RNF121: variants seen among roughly 807,000 people sequenced by gnomAD.
The protein encoded by RNF121 is E3 ubiquitin ligase RNF121.
In RNF121, 21 loss-of-function variants were observed where a neutral mutation model predicts 46.5. The ratio of observed to expected loss-of-function variants is 0.45; its 90% CI spans 0.32 to 0.65. The LOEUF is 0.65. RNF121 is among the 30% of genes least tolerant of loss of function. The pLI, the probability that RNF121 is intolerant of heterozygous loss-of-function variation, is 0.04. For missense variants in RNF121, 346 were observed against 416.0 expected (o/e 0.83, Z 1.46); for synonymous variants, 139 against 144.7 (o/e 0.96, Z 0.28).
At chr11:71,948,800 T>G (rs778490482) in intron 1 of RNF121, among the ~76,000 whole-genome samples, 7 of 152,134 alleles carry the variant, frequency 4.6e-5, no homozygotes, top group Non-Finnish European at 1.0e-4. Flanking sequence ...TGGGGAAGAA[T>G]GTGAATGAGA....
intron 3 of RNF121, among the ~76,000 whole-genome samples, 172 bp downstream of exon 3, chr11:71,961,063 G>A (rs929448132): frequency 6.6e-6 from 1 of 152,186 alleles, no homozygotes; most frequent in African/African-American, 2.4e-5. Context: ...TAAGGGTCAG[G>A]TGATTCAGAG....
intron 7 of RNF121, among the ~76,000 whole-genome samples, chr11:71,995,068 G>A (rs1217705683): frequency 6.6e-6 from 1 of 152,208 alleles, no homozygotes; most frequent in Non-Finnish European, 1.5e-5. Flanking sequence ...AGGAACCTGA[G>A]GCTGCAGCTA....
In RNF121 at chr11:71,967,349, G is replaced by GTTT. The variant is rs770121817; in HGVS notation, c.243+6474_243+6476dup. 2.9e-3 allele frequency among the ~76,000 whole-genome samples: 290 copies of GTTT among 100,538 alleles called. 16 individuals are homozygous for GTTT. The highest frequency in any genetic ancestry group is 6.2e-3 in the African/African-American group (153 of 24,492). 66.0% of individuals were successfully genotyped at this position (100,538 alleles called of 152,430 possible). The stretch of plus-strand genomic sequence containing the variant: ...GGTAATAATTATGTGGGTTTTTTTT[G>GTTT]TTTTTTTTTTTTTTTTTTGAGACGG... On this transcript the variant is annotated intron_variant, in intron 3 of 8. Transcript: ENST00000361756.
chr11:71,957,019 C>T (rs1954004339), intron 1 of RNF121, among the ~76,000 whole-genome samples: 1 of 152,190 alleles, frequency 6.6e-6, no homozygotes, highest in Non-Finnish European at 1.5e-5. Flanking sequence ...AGACGTGCAA[C>T]ACATTCAGTC....
At chr11:71,991,047 C>T (rs1387414700) in intron 6 of RNF121, among the ~76,000 whole-genome samples, 1 of 152,064 alleles carries the variant, frequency 6.6e-6, no homozygotes, top group African/African-American at 2.4e-5. Context: ...AAGATGGCAA[C>T]AGTAGGCACT....
At chr11:71,952,390 G>A (rs1224956509) in intron 1 of RNF121, among the ~76,000 whole-genome samples, 2 of 152,184 alleles carry the variant, frequency 1.3e-5, no homozygotes, top group Admixed American at 1.3e-4. Context: ...TCAACTTGGT[G>A]GTGATAGTGG....
chr11:71,984,731 G>A (rs111511805), intron 4 of RNF121, among the ~76,000 whole-genome samples: 13 of 142,400 alleles, frequency 9.1e-5, no homozygotes, highest in East Asian at 2.1e-4. Context: ...GGTGTGTGCC[G>A]CCACACCCGG....
Position 71,963,329 on chromosome 11 carries a change from T to C in RNF121, c.243+2438T>C, listed in dbSNP as rs556623491. 2.6e-5 allele frequency among the ~76,000 whole-genome samples: 4 copies of C among 152,062 alleles called. No individual in the cohort carries two copies. In the South Asian group the frequency reaches 8.3e-4, roughly 32 times the overall value. On this transcript the variant is annotated intron_variant, in intron 3 of 8. Transcript: ENST00000361756. ...TTACTCTTATGTTTTCTTTGAAGAGTTTCATAGTCTTGGCCCGGTGGGGTG... is the reference window on the plus strand; with the variant it reads ...TTACTCTTATGTTTTCTTTGAAGAGCTTCATAGTCTTGGCCCGGTGGGGTG...
At chr11:71,973,553 G>A (rs1054598492) in intron 3 of RNF121, among the ~76,000 whole-genome samples, 3 of 152,220 alleles carry the variant, frequency 2.0e-5, no homozygotes, top group South Asian at 2.1e-4. Flanking sequence ...TTGGGAGGCC[G>A]AGGCGGGCAG....
chr11:71,949,199 C>G (rs1023300543), intron 1 of RNF121, among the ~76,000 whole-genome samples: 1 of 152,124 alleles, frequency 6.6e-6, no homozygotes, highest in Admixed American at 6.5e-5. Flanking sequence ...GAGCGGGTCA[C>G]TTGAGCCCAG....
At chr11:71,956,589 A>G (rs2134171745) in intron 1 of RNF121, among the ~76,000 whole-genome samples, 1 of 152,332 alleles carries the variant, frequency 6.6e-6, no homozygotes, top group Admixed American at 6.5e-5. Context: ...CAAGAACTAA[A>G]TTCAGTTTGC....
intron 3 of RNF121, among the ~76,000 whole-genome samples, chr11:71,961,100 T>C (rs1297067762): frequency 6.6e-6 from 1 of 152,172 alleles, no homozygotes; most frequent in Non-Finnish European, 1.5e-5. Context: ...CATAAGACTA[T>C]GTTCATAGGC....
rs1019852629 is a variant in RNF121, at chr11:71,965,312, G to A, written c.243+4421G>A. Among the ~76,000 whole-genome samples the A allele has an allele frequency of 6.7e-5, 10 of 148,564 alleles. No homozygotes were observed. In the South Asian group the frequency reaches 1.1e-3, roughly 16 times the overall value. On this transcript the variant is annotated intron_variant, in intron 3 of 8. Transcript: ENST00000361756. ...GTTGCCCAGGTTGGAGTGCAGTGGT[G>A]TGATCTTGGCTCACTGCAACCTCTG...
intron 1 of RNF121, chr11:71,939,279 T>G (rs1434554857): frequency 5.4e-6 from 1 of 186,262 alleles, no homozygotes; most frequent in Non-Finnish European, 1.1e-5. Flanking sequence ...TTTGGTCCAC[T>G]AACCCTGTGC....
chr11:71,967,833 G>C (rs542994847), intron 3 of RNF121, among the ~76,000 whole-genome samples: 5 of 152,138 alleles, frequency 3.3e-5, no homozygotes, highest in South Asian at 2.1e-4. Context: ...TTATATGTAA[G>C]TATTATTCAC....
intron 6 of RNF121, among the ~76,000 whole-genome samples, chr11:71,991,274 A>G (rs1954859158): frequency 1.3e-5 from 2 of 152,040 alleles, no homozygotes; most frequent in South Asian, 4.1e-4. Flanking sequence ...GTACCCTATA[A>G]TTTTTCTCTT....
At chr11:71,965,254 ATTTT>A (rs10707525) in intron 3 of RNF121, among the ~76,000 whole-genome samples, 1 of 141,482 alleles carries the variant, frequency 7.1e-6, no homozygotes, top group Non-Finnish European at 1.5e-5. Flanking sequence ...CTGCATAGTA[ATTTT>A]TTTTTTTTTT....
chr11:71,996,117 C>G lies in RNF121; in HGVS notation c.864-78C>G, dbSNP rs1470560846. The G allele has an allele frequency of 1.7e-5, 26 of 1,547,644 alleles. No homozygotes were observed. In the South Asian group the frequency reaches 2.8e-4, roughly 17 times the overall value. On this transcript the variant is annotated intron_variant, in intron 8 of 8. Coordinates refer to ENST00000361756, the MANE Select transcript of RNF121 (RefSeq NM_018320.5). ...GGAGCAGCTGGAAAGTGGGGCAGACCCAGGGAGCCCCACCACCCATGCTAG... is the reference window on the plus strand; with the variant it reads ...GGAGCAGCTGGAAAGTGGGGCAGACGCAGGGAGCCCCACCACCCATGCTAG...
chr11:71,955,589 A>T (rs1347898578), intron 1 of RNF121, among the ~76,000 whole-genome samples: 3 of 152,182 alleles, frequency 2.0e-5, no homozygotes, highest in African/African-American at 7.2e-5. Flanking sequence ...CAACAACAAC[A>T]ACGAAAAATA....
Sources: gnomAD v4.1 joint callset for allele counts (sites outside exome capture counted in the v4.1 genomes callset) on GRCh38, gnomAD v4.1.1 for gene constraint, MANE v1.5 for transcripts, NCBI Gene and HGNC (gene_info 2026-07-23, HGNC 2026-07-21) for gene names.